BLNK: variants seen among roughly 807,000 people sequenced by gnomAD.
BLNK encodes B-cell linker protein.
Under a neutral mutation model 73.5 loss-of-function variants are expected in BLNK, and 29 were observed. That is an observed-to-expected ratio of 0.39 (90% confidence interval 0.29 to 0.54). The LOEUF is 0.54. Ranked by LOEUF, BLNK falls within the 20% of genes least tolerant of loss-of-function variation. BLNK has a pLI of 0.61. For synonymous variants in BLNK, 176 were observed against 200.8 expected (o/e 0.88, Z 1.04); for missense variants, 460 against 562.8 (o/e 0.82, Z 1.85).
At chr10:96,193,032 G>C (rs2133912621) in intron 16 of BLNK, among the ~76,000 whole-genome samples, 1 of 152,166 alleles carries the variant, frequency 6.6e-6, no homozygotes, top group Non-Finnish European at 1.5e-5. Flanking sequence ...GCTACATATT[G>C]AATAAAGTAA....
intron 10 of BLNK, among the ~76,000 whole-genome samples, chr10:96,207,302 G>C (rs1038799767): frequency 9.9e-5 from 15 of 152,152 alleles, no homozygotes; most frequent in African/African-American, 3.6e-4. Context: ...CTTGTCAACA[G>C]GGTTGATGGA....
chr10:96,265,119 C>T (rs903504146), intron 1 of BLNK, among the ~76,000 whole-genome samples: 1 of 137,034 alleles, frequency 7.3e-6, no homozygotes, highest in East Asian at 2.1e-4. Context: ...CCACACCAGA[C>T]TTATTTATTT....
chr10:96,257,015 C>A (rs772799081), intron 1 of BLNK, among the ~76,000 whole-genome samples: 64 of 152,086 alleles, frequency 4.2e-4, no homozygotes, highest in Non-Finnish European at 8.1e-4. Flanking sequence ...CATCTCACAT[C>A]TCTAGTCACA....
intron 13 of BLNK, chr10:96,203,562 A>G (rs960079119): frequency 6.5e-6 from 1 of 152,676 alleles, no homozygotes; most frequent in African/African-American, 2.4e-5. Context: ...TATCCGATTC[A>G]TATATTTTTA....
At chr10:96,236,024 C>G (rs1554905022) in intron 3 of BLNK, among the ~76,000 whole-genome samples, 1 of 151,972 alleles carries the variant, frequency 6.6e-6, no homozygotes, top group African/African-American at 2.4e-5. Flanking sequence ...TGATCCAGAC[C>G]AGGGGGTCTG....
intron 1 of BLNK, among the ~76,000 whole-genome samples, chr10:96,254,499 G>GTTTTTT (rs113008211): frequency 6.8e-6 from 1 of 146,360 alleles, no homozygotes; most frequent in African/African-American, 2.6e-5. Context: ...TCTTCAATGA[G>GTTTTTT]TTTTTTTTTT....
In BLNK at chr10:96,271,446, T is replaced by C; in HGVS notation, c.-48A>G. 1 of 1,597,368 alleles carries C rather than the reference T, an allele frequency of 6.3e-7. No individual in the cohort carries two copies. Among genetic ancestry groups the C allele is most frequent in the Non-Finnish European group, 8.6e-7 (1 of 1,164,830 alleles). ...CACGAATAACTGTCCAGTGGTCACG[T>C]CAGCAGTTCCTGGCCCTCCTAGGGA... On this transcript the variant is annotated 5_prime_UTR_variant, in exon 1 of 17. An upstream open reading frame in the 5' UTR loses its in-frame stop. Transcript: ENST00000224337.
intron 5 of BLNK, 97 bp from the exon 6 acceptor site, chr10:96,224,086 G>A: frequency 7.1e-7 from 1 of 1,407,920 alleles, no homozygotes. Flanking sequence ...AACCACGGGT[G>A]TCTATGTAGC....
At chr10:96,253,231 C>T (rs2134111921) in intron 1 of BLNK, among the ~76,000 whole-genome samples, 1 of 152,296 alleles carries the variant, frequency 6.6e-6, no homozygotes, top group South Asian at 2.1e-4. Context: ...CATCCTTAGG[C>T]TTTATCTGCA....
chr10:96,195,036 T>C (rs1282924163), intron 16 of BLNK, among the ~76,000 whole-genome samples: 8 of 152,064 alleles, frequency 5.3e-5, no homozygotes, highest in Non-Finnish European at 1.2e-4. Context: ...CCCAAAGTGC[T>C]GGGATTACAG....
chr10:96,229,264 T>C (rs782649204), intron 4 of BLNK, among the ~76,000 whole-genome samples: 6 of 144,636 alleles, frequency 4.1e-5, no homozygotes, highest in Non-Finnish European at 9.1e-5. Flanking sequence ...CAGCCTCTGG[T>C]AAACATCATT....
intron 2 of BLNK, among the ~76,000 whole-genome samples, chr10:96,245,802 A>C (rs948881073): frequency 6.6e-6 from 1 of 151,834 alleles, no homozygotes; most frequent in Non-Finnish European, 1.5e-5. Context: ...GTGTTTAAGC[A>C]CACACATACA....
At chr10:96,232,817 CTT>C (rs67469119) in intron 3 of BLNK, among the ~76,000 whole-genome samples, 28,847 of 139,404 alleles carry the variant, frequency 0.21, 3,606 homozygotes, top group Middle Eastern at 0.3. Flanking sequence ...CTTTTCTAGT[CTT>C]TTTTTTTTTT....
intron 3 of BLNK, among the ~76,000 whole-genome samples, chr10:96,234,273 GTTGT>G (rs1394891006): frequency 1.3e-4 from 20 of 152,344 alleles, no homozygotes; most frequent in African/African-American, 4.8e-4. Context: ...TGGGATAGAG[GTTGT>G]TTGTTGGTGC....
chr10:96,239,977 A>G (rs1842832376), intron 3 of BLNK, among the ~76,000 whole-genome samples: 2 of 152,150 alleles, frequency 1.3e-5, no homozygotes, highest in Non-Finnish European at 2.9e-5. Context: ...TGGTTCATCT[A>G]AAAGTGGCAA....
intron 5 of BLNK, 57 bp downstream of exon 5, chr10:96,227,353 C>G: frequency 1.3e-6 from 2 of 1,596,536 alleles, no homozygotes; most frequent in Non-Finnish European, 1.7e-6. Context: ...ATCTTGGACA[C>G]CCCCACCTCC....
intron 1 of BLNK, among the ~76,000 whole-genome samples, chr10:96,258,454 ACCT>A (rs1339399904): frequency 6.6e-6 from 1 of 152,166 alleles, no homozygotes; most frequent in African/African-American, 2.4e-5. Context: ...TCCTGGGTCA[ACCT>A]CCTCTTATGC....
rs1470132824 is a variant in BLNK at position 96,190,230 on chromosome 10, C to A, written c.*1743G>T. 4.0e-6 allele frequency: 3 copies of A among 751,548 alleles called. No individual in the cohort carries two copies. In the African/African-American group the frequency reaches 5.1e-5, roughly 13 times the overall value. 46.6% of individuals were successfully genotyped at this position (751,548 alleles called of 1,614,324 possible). A position where few individuals can be genotyped will look rare whatever the true frequency, so the allele number is the denominator to read the frequency against. The stretch of plus-strand genomic sequence containing the variant: ...CATCGAATCTTCCATCAGGTGGCGG[C>A]ACACACTTAGGTGGGAGAGAAAGCA... On this transcript the variant is annotated 3_prime_UTR_variant, in exon 17 of 17. Transcript: ENST00000224337.
intron 3 of BLNK, among the ~76,000 whole-genome samples, chr10:96,241,313 G>A (rs1842873420): frequency 6.6e-6 from 1 of 152,104 alleles, no homozygotes. Context: ...TTTCACTGAG[G>A]GATATTCAGG....
Sources: gnomAD v4.1 joint callset for allele counts (sites outside exome capture counted in the v4.1 genomes callset) on GRCh38, gnomAD v4.1.1 for gene constraint, MANE v1.5 for transcripts, NCBI Gene and HGNC (gene_info 2026-07-23, HGNC 2026-07-21) for gene names.